PPFIBP1: variants seen among roughly 807,000 people sequenced by gnomAD.
PPFIBP1 encodes the protein PPFIB scaffold protein 1, also known as liprin-beta-1.
PPFIBP1 carries 112 observed loss-of-function variants against 137.8 expected under a neutral mutation model. That is an observed-to-expected ratio of 0.81 (90% CI 0.70 to 0.95). The LOEUF is 0.95. Among genes scored for constraint, PPFIBP1 ranks in the 40% least tolerant of loss-of-function variants. The pLI is 0.00. For missense variants in PPFIBP1, 1,083 were observed against 1,196.6 expected (o/e 0.91, Z 1.40); for synonymous variants, 378 against 417.3 (o/e 0.91, Z 1.15).
At chr12:27,582,359 GAA>G (rs2137000554) in intron 2 of PPFIBP1, among the ~76,000 whole-genome samples, 1 of 152,196 alleles carries the variant, frequency 6.6e-6, no homozygotes. Flanking sequence ...AGTTTTTTAA[GAA>G]GAGGGGAGAG....
Position 27,664,425 on chromosome 12 carries a change from G to T in PPFIBP1, c.970G>T (p.Val324Leu), listed in dbSNP as rs775452428. 1 of 1,612,448 alleles carries T rather than the reference G, an allele frequency of 6.2e-7. No individual in the cohort carries two copies. The highest frequency in any genetic ancestry group is 1.1e-5 in the South Asian group (1 of 90,980). ...GTACAAGAAAATGCAAGACACGGTG[G>T]TACTGGCCCAAGGTAAAAAAGGTAG... ...NRYKKMQDTV[V>L]LAQGKKGKDG... Residue 324 changes from valine to leucine, a missense_variant, in exon 12 of 30, where the codon GTA (valine) becomes TTA (leucine). Physicochemically the swap from Val to Leu is conservative, Grantham distance 32 (BLOSUM62 1). Coordinates refer to ENST00000228425, the MANE Select transcript of PPFIBP1 (RefSeq NM_003622.4).
chr12:27,653,672 A>G lies in PPFIBP1; in HGVS notation c.604-1050A>G, dbSNP rs2059022485. Among the ~76,000 whole-genome samples, 3 of 152,046 alleles carry G rather than the reference A, an allele frequency of 2.0e-5. No homozygotes were observed. In the South Asian group the frequency reaches 6.2e-4, roughly 32 times the overall value. ...AGGGATCTTTGTGGCTTGTAGTAAA[A>G]TAAGTCATCTCCCATGCAGGGTATT... On this transcript the variant is annotated intron_variant, in intron 7 of 29. Transcript: ENST00000228425.
intron 8 of PPFIBP1, among the ~76,000 whole-genome samples, chr12:27,656,281 C>G (rs2059193231): frequency 6.6e-6 from 1 of 152,184 alleles, no homozygotes; most frequent in African/African-American, 2.4e-5. Flanking sequence ...ATTTGATTAT[C>G]TTCCTTGATT....
intron 2 of PPFIBP1, among the ~76,000 whole-genome samples, chr12:27,600,675 T>TA (rs1021561763): frequency 1.3e-5 from 2 of 152,184 alleles, no homozygotes; most frequent in African/African-American, 4.8e-5. Flanking sequence ...CGTGCATGTT[T>TA]AAATGCTCTT....
At position 27,676,438 on chromosome 12, in the gene PPFIBP1, C is replaced by T. The variant is rs372834652; in HGVS notation, c.1421C>T (p.Pro474Leu). 48 of 1,535,652 alleles carry T rather than the reference C, an allele frequency of 3.1e-5. No homozygotes were observed. The highest frequency in any genetic ancestry group is 7.0e-5 in the African/African-American group (5 of 71,726). Reference sequence around the variant, plus strand: ...TTATTTGCCTCTCAGGACAGAGCTCCGGCAGAAAGCAGGCCATTTGGGACC... The same window carrying T: ...TTATTTGCCTCTCAGGACAGAGCTCTGGCAGAAAGCAGGCCATTTGGGACC... ...TIQKTSEDRA[P>L]AESRPFGTLP... The change falls in exon 18 of 30, where the codon CCG becomes CTG. Residue 474 changes from proline to leucine, a missense_variant. Transcript: ENST00000228425.
At position 27,656,652 on chromosome 12, in the gene PPFIBP1, A is replaced by G; in HGVS notation, c.733A>G (p.Lys245Glu). ...ATCTTTAAAAGAACAACTAGAAGAA[A>G]AGGAATCTGAAGTAAAAAGGCTACA... Reference protein sequence around the residue: ...LASLKEQLEEKESEVKRLQEK... With the variant: ...LASLKEQLEEEESEVKRLQEK... The change falls in exon 9 of 30, where the codon AAG becomes GAG. Residue 245 changes from lysine (K) to glutamate (E), a missense_variant. Lys to Glu is a moderately conservative substitution (Grantham distance 56, BLOSUM62 1). Coordinates refer to ENST00000228425, the MANE Select transcript of PPFIBP1 (RefSeq NM_003622.4). 1 of 1,612,646 alleles carries G rather than the reference A, an allele frequency of 6.2e-7. No individual in the cohort carries two copies. Among genetic ancestry groups the G allele is most frequent in the Non-Finnish European group, 8.5e-7 (1 of 1,178,884 alleles).
chr12:27,614,266 C>T (rs571286664), intron 2 of PPFIBP1, among the ~76,000 whole-genome samples: 1 of 152,088 alleles, frequency 6.6e-6, no homozygotes, highest in African/African-American at 2.4e-5. Flanking sequence ...GTGATTCCAG[C>T]TACTTGGGAA....
chr12:27,581,079 G>T (rs1433675725), intron 2 of PPFIBP1, among the ~76,000 whole-genome samples: 3 of 151,970 alleles, frequency 2.0e-5, no homozygotes, highest in Admixed American at 6.6e-5. Context: ...ATTTTTTGTG[G>T]AGACAGAGTC....
chr12:27,676,738 C>CA, intron 18 of PPFIBP1, 139 bp downstream of exon 18: 1 of 844,704 alleles, frequency 1.2e-6, no homozygotes, highest in Non-Finnish European at 1.8e-6. Flanking sequence ...GGGAATTTAG[C>CA]AAAAAATGCC....
intron 4 of PPFIBP1, chr12:27,636,496 A>G (rs1362125040): frequency 1.3e-5 from 2 of 151,874 alleles, no homozygotes; most frequent in East Asian, 3.9e-4. Flanking sequence ...GGAATTTACT[A>G]TTGTTAGAAG....
chr12:27,544,241 T>C lies in PPFIBP1; in HGVS notation c.-124+19876T>C, dbSNP rs183470366. ...GAGGCAGAGGTGTTTGTGGTGATAATGGTTAGGAGAGAATGGACAAACAAA... is the reference window on the plus strand; with the variant it reads ...GAGGCAGAGGTGTTTGTGGTGATAACGGTTAGGAGAGAATGGACAAACAAA... On this transcript the variant is annotated intron_variant, in intron 1 of 29. Coordinates refer to ENST00000228425, the MANE Select transcript of PPFIBP1 (RefSeq NM_003622.4). 1.1e-4 allele frequency among the ~76,000 whole-genome samples: 16 copies of C among 152,226 alleles called. No individual in the cohort carries two copies. In the East Asian group the frequency reaches 2.1e-3, roughly 20 times the overall value.
chr12:27,652,749 C>A (rs1446790037), intron 7 of PPFIBP1, among the ~76,000 whole-genome samples: 2 of 151,948 alleles, frequency 1.3e-5, no homozygotes, highest in African/African-American at 4.8e-5. Flanking sequence ...GATAAGAATT[C>A]AATGGTATTT....
At chr12:27,648,413 A>C (rs1163567675) in intron 6 of PPFIBP1, among the ~76,000 whole-genome samples, 5 of 152,264 alleles carry the variant, frequency 3.3e-5, no homozygotes, top group African/African-American at 4.8e-5. Flanking sequence ...ATGTAAATTC[A>C]TACAACTGCT....
chr12:27,537,092 T>A (rs1245730224), intron 1 of PPFIBP1, among the ~76,000 whole-genome samples: 5 of 152,110 alleles, frequency 3.3e-5, no homozygotes, highest in Admixed American at 3.3e-4. Context: ...ATACAGACCT[T>A]GCCGTTGTCT....
At chr12:27,672,620 A>G (rs1565986536) in intron 15 of PPFIBP1, 137 bp downstream of exon 15, 2 of 679,472 alleles carry the variant, frequency 2.9e-6, no homozygotes, top group Non-Finnish European at 2.5e-6. Flanking sequence ...TAGCTATAAT[A>G]ATTGGGTGGG....
At chr12:27,601,038 C>T (rs2053929915) in intron 2 of PPFIBP1, among the ~76,000 whole-genome samples, 1 of 152,098 alleles carries the variant, frequency 6.6e-6, no homozygotes, top group African/African-American at 2.4e-5. Flanking sequence ...CTGTCATCAC[C>T]TTGCTATGCA....
chr12:27,544,551 A>C (rs306662), intron 1 of PPFIBP1, among the ~76,000 whole-genome samples: 12 of 152,074 alleles, frequency 7.9e-5, no homozygotes, highest in African/African-American at 1.9e-4. Flanking sequence ...ACAAGAAAAA[A>C]ACAAACAACC....
chr12:27,671,307 G>A (rs75889006), intron 13 of PPFIBP1, 124 bp from the exon 14 acceptor site: 6,532 of 580,126 alleles, frequency 0.011, 242 homozygotes, highest in East Asian at 0.091. Context: ...ATTTTATACA[G>A]TTCTGAACAC....
intron 13 of PPFIBP1, among the ~76,000 whole-genome samples, chr12:27,667,938 C>G (rs2059959854): frequency 6.6e-6 from 1 of 152,196 alleles, no homozygotes; most frequent in African/African-American, 2.4e-5. Flanking sequence ...TCTCAGAAAT[C>G]ACATGGCATC....
Sources: gnomAD v4.1 joint callset for allele counts (sites outside exome capture counted in the v4.1 genomes callset) on GRCh38, gnomAD v4.1.1 for gene constraint, MANE v1.5 for transcripts, NCBI Gene and HGNC (gene_info 2026-07-23, HGNC 2026-07-21) for gene names.